Variants in CCSER1 observed in about 807,000 individuals in gnomAD.
CCSER1 encodes the protein serine-rich coiled-coil domain-containing protein 1.
In CCSER1, 41 loss-of-function variants were observed where a neutral mutation model predicts 82.0. That is an observed-to-expected ratio of 0.50 (90% CI 0.39 to 0.65). CCSER1 has a LOEUF of 0.65. CCSER1 is among the 30% of genes least tolerant of loss of function. The pLI, the probability that CCSER1 is intolerant of heterozygous loss-of-function variation, is 0.00. For synonymous variants in CCSER1, 414 were observed against 383.9 expected (o/e 1.08, Z -0.92); for missense variants, 1,119 against 1,064.2 (o/e 1.05, Z -0.72).
intron 1 of CCSER1, among the ~76,000 whole-genome samples, chr4:90,276,251 T>TTTCTTTCCTTCCTTCCTTCCTTCC (rs1727659770): frequency 1.3e-5 from 1 of 76,848 alleles, no homozygotes; most frequent in African/African-American, 5.1e-5. Context: ...TCTTTCTTTC[T>TTTCTTTCCTTCCTTCCTTCCTTCC]TTCCTTCCTT....
intron 1 of CCSER1, among the ~76,000 whole-genome samples, chr4:90,292,442 C>T (rs1249327547): frequency 6.6e-6 from 1 of 151,680 alleles, no homozygotes; most frequent in Non-Finnish European, 1.5e-5. Context: ...AAACAGAACC[C>T]AAGAGAAATT....
At chr4:90,700,090 A>C (rs892607202) in intron 6 of CCSER1, among the ~76,000 whole-genome samples, 19 of 151,834 alleles carry the variant, frequency 1.3e-4, no homozygotes, top group Non-Finnish European at 5.9e-5. Context: ...TGCACCCATT[A>C]ACTCGTCATT....
intron 10 of CCSER1, among the ~76,000 whole-genome samples, chr4:91,523,397 T>G (rs549299924): frequency 4.4e-4 from 67 of 152,312 alleles, no homozygotes; most frequent in Non-Finnish European, 8.8e-4. Flanking sequence ...ATAAAATGAG[T>G]TAGGGAGGAT....
chr4:91,217,435 G>C (rs1367006632), intron 10 of CCSER1, among the ~76,000 whole-genome samples: 1 of 152,144 alleles, frequency 6.6e-6, no homozygotes, highest in African/African-American at 2.4e-5. Context: ...GGTTCTCCAA[G>C]GCCCCACCAG....
intron 10 of CCSER1, among the ~76,000 whole-genome samples, chr4:91,143,311 A>C (rs1729216250): frequency 6.6e-6 from 1 of 151,864 alleles, no homozygotes; most frequent in Non-Finnish European, 1.5e-5. Flanking sequence ...GAAATGTTAA[A>C]GATTTTTGTA....
At chr4:90,815,933 T>C (rs565051442) in intron 8 of CCSER1, 88 bp downstream of exon 8, 2 of 762,540 alleles carry the variant, frequency 2.6e-6, no homozygotes, top group Admixed American at 5.0e-5. Context: ...CCAATGGCAT[T>C]AGTTATTTGT....
At chr4:90,365,217 A>G (rs573825891) in intron 3 of CCSER1, among the ~76,000 whole-genome samples, 1 of 152,068 alleles carries the variant, frequency 6.6e-6, no homozygotes, top group South Asian at 2.1e-4. Flanking sequence ...GTTTAATGTG[A>G]AAAATTTAAA....
intron 1 of CCSER1, among the ~76,000 whole-genome samples, chr4:90,167,320 T>C (rs1730653378): frequency 6.6e-6 from 1 of 152,044 alleles, no homozygotes; most frequent in African/African-American, 2.4e-5. Flanking sequence ...AGGGTAAAAA[T>C]ATAGATTGAA....
chr4:90,535,935 TTGAG>T (rs1488704783), intron 5 of CCSER1, among the ~76,000 whole-genome samples: 1 of 152,154 alleles, frequency 6.6e-6, no homozygotes. Context: ...GTTAAATGAC[TTGAG>T]TATCATATGT....
chr4:90,647,838 A>G (rs1050643350), intron 6 of CCSER1, among the ~76,000 whole-genome samples: 1 of 152,174 alleles, frequency 6.6e-6, no homozygotes, highest in East Asian at 1.9e-4. Flanking sequence ...TAAGAAATCC[A>G]GATGAAAATG....
rs186005747 is a variant in CCSER1 at position 91,273,461 on chromosome 4, C to T, written c.2217+187467C>T. ...GATTTGTGTGCATTAATTTTGTATC[C>T]GGAAACTTTGCTGAATTCTTTTATC... is the stretch of plus-strand genomic sequence containing the variant. On this transcript the variant is annotated intron_variant, in intron 10 of 10. Coordinates refer to ENST00000509176, the MANE Select transcript of CCSER1 (RefSeq NM_001145065.2). 3.2e-3 allele frequency among the ~76,000 whole-genome samples: 486 copies of T among 152,102 alleles called. 3 individuals carry two copies. The highest frequency in any genetic ancestry group is 6.8e-3 in the Middle Eastern group (2 of 294).
At chr4:90,500,578 G>A (rs115363845) in intron 5 of CCSER1, among the ~76,000 whole-genome samples, 1,586 of 151,982 alleles carry the variant, frequency 0.01, 31 homozygotes, top group African/African-American at 0.036. Context: ...TGATCTACCC[G>A]CCAACTCCTC....
At chr4:90,282,151 C>T (rs1164700347) in intron 1 of CCSER1, among the ~76,000 whole-genome samples, 1 of 151,924 alleles carries the variant, frequency 6.6e-6, no homozygotes, top group African/African-American at 2.4e-5. Flanking sequence ...AGCTTAATTG[C>T]ATCTGCATAC....
At chr4:90,230,116 C>A (rs746599885) in intron 1 of CCSER1, among the ~76,000 whole-genome samples, 10 of 152,144 alleles carry the variant, frequency 6.6e-5, no homozygotes, top group African/African-American at 2.4e-4. Context: ...CTGCACCAAG[C>A]GGACCTAATA....
At chr4:91,019,976 T>A (rs1054485388) in intron 9 of CCSER1, among the ~76,000 whole-genome samples, 1 of 152,206 alleles carries the variant, frequency 6.6e-6, no homozygotes, top group Non-Finnish European at 1.5e-5. Context: ...ACTTTCAAAC[T>A]GATGATATGT....
intron 6 of CCSER1, among the ~76,000 whole-genome samples, chr4:90,647,450 A>G (rs1727794143): frequency 6.6e-6 from 1 of 152,186 alleles, no homozygotes; most frequent in Admixed American, 6.6e-5. Context: ...TAGTATTTTC[A>G]AACTTCTTAG....
intron 4 of CCSER1, among the ~76,000 whole-genome samples, chr4:90,400,967 G>T (rs1752782738): frequency 6.6e-6 from 1 of 152,074 alleles, no homozygotes. Flanking sequence ...ATATGGTAGT[G>T]TCTTTATTTT....
chr4:91,317,005 A>T (rs1437516589), intron 10 of CCSER1, among the ~76,000 whole-genome samples: 1 of 151,994 alleles, frequency 6.6e-6, no homozygotes, highest in Non-Finnish European at 1.5e-5. Flanking sequence ...GTTAATAATA[A>T]TGTATTGTAA....
At chr4:90,646,283 G>GA (rs1160853538) in intron 6 of CCSER1, among the ~76,000 whole-genome samples, 1 of 152,082 alleles carries the variant, frequency 6.6e-6, no homozygotes, top group Non-Finnish European at 1.5e-5. Context: ...TAATAGTAGA[G>GA]AATGAAAGTG....
Sources: gnomAD v4.1 joint callset for allele counts (sites outside exome capture counted in the v4.1 genomes callset) on GRCh38, gnomAD v4.1.1 for gene constraint, MANE v1.5 for transcripts, NCBI Gene and HGNC (gene_info 2026-07-23, HGNC 2026-07-21) for gene names.